Variants in SAXO1 observed in about 807,000 individuals in gnomAD.
The protein encoded by SAXO1 is 4930500O09Rik.
In SAXO1, 21 loss-of-function variants were observed where a neutral mutation model predicts 17.5. The observed-to-expected ratio is 1.20, with a 90% CI of 0.85 to 1.72. The LOEUF (loss-of-function observed/expected upper bound fraction) is 1.72, where lower values mean the gene tolerates loss of function less well. SAXO1 is among the 40% of genes most tolerant of loss of function. The pLI, the probability that SAXO1 is intolerant of heterozygous loss-of-function variation, is 0.00. For missense variants in SAXO1, 843 were observed against 596.0 expected (o/e 1.41, Z -4.32); for synonymous variants, 274 against 216.5 (o/e 1.27, Z -2.33).
In SAXO1 at chr9:19,049,082, G is replaced by C. The variant is rs1041044245; in HGVS notation, c.-158+127C>G. 6.6e-6 allele frequency: 1 copy of C among 152,612 alleles called. No homozygotes were observed. The highest frequency in any genetic ancestry group is 2.4e-5 in the African/African-American group (1 of 41,464). The allele number at this position is 152,612 out of a possible 1,614,324, so 9.5% of individuals were successfully genotyped here. A position where few individuals can be genotyped will look rare whatever the true frequency, so the allele number is the denominator to read the frequency against. On this transcript the variant is annotated intron_variant, in intron 1 of 3. Transcript: ENST00000542071. This position sits in a 1 kb window ranked among gnomAD's most constrained non-coding sequence, Gnocchi z 5.4. ...GTTAGGCTTTCCCTCCACTTCACCA[G>C]TCGGCTGCCCCTGCGGAAACCGGCC...
At chr9:18,949,896 C>T (rs1308442007) in intron 2 of SAXO1, among the ~76,000 whole-genome samples, 1 of 152,194 alleles carries the variant, frequency 6.6e-6, no homozygotes, top group Non-Finnish European at 1.5e-5. Context: ...TCACAGCAAC[C>T]CTGCCCTTTA....
At chr9:18,949,909 G>T (rs939308459) in intron 2 of SAXO1, among the ~76,000 whole-genome samples, 1 of 152,186 alleles carries the variant, frequency 6.6e-6, no homozygotes, top group Non-Finnish European at 1.5e-5. Flanking sequence ...GCCCTTTAGG[G>T]ATGAGGAACC....
chr9:18,939,434 G>C (rs1209744486), intron 3 of SAXO1, among the ~76,000 whole-genome samples: 1 of 152,208 alleles, frequency 6.6e-6, no homozygotes, highest in African/African-American at 2.4e-5. Context: ...ATTAAAGGAA[G>C]CATTAAAAGT....
At chr9:18,949,011 G>C (rs1831915604) in intron 2 of SAXO1, among the ~76,000 whole-genome samples, 1 of 152,114 alleles carries the variant, frequency 6.6e-6, no homozygotes, top group Non-Finnish European at 1.5e-5. Flanking sequence ...GTGTTGACCA[G>C]GGTTTCCTAA....
intron 1 of SAXO1, among the ~76,000 whole-genome samples, chr9:18,972,553 G>A (rs561153598): frequency 6.6e-6 from 1 of 152,164 alleles, no homozygotes; most frequent in Admixed American, 6.5e-5. Context: ...AGAACAGAAG[G>A]TCTACAAAAA....
chr9:18,929,867 C>G (rs1830961351), intron 3 of SAXO1, among the ~76,000 whole-genome samples: 1 of 152,234 alleles, frequency 6.6e-6, no homozygotes, highest in African/African-American at 2.4e-5. Context: ...CCACTCTACT[C>G]TCTGGTTCTA....
In SAXO1 at chr9:18,941,924, T is replaced by G. The variant is rs1831582065; in HGVS notation, c.219-85A>C. The G allele has an allele frequency of 1.4e-5, 18 of 1,321,752 alleles. No individual in the cohort carries two copies. The Admixed American group carries it at 3.1e-4, about 23-fold the overall frequency. The allele number at this position is 1,321,752 out of a possible 1,614,324, so 81.9% of individuals were successfully genotyped here. A position where few individuals can be genotyped will look rare whatever the true frequency, so the allele number is the denominator to read the frequency against. Reference sequence around the variant, plus strand: ...CTGCTCAACCCAACTCTACAAACATTTGCTGAGAAGTCCTGTTCTACTCTA... The same window carrying G: ...CTGCTCAACCCAACTCTACAAACATGTGCTGAGAAGTCCTGTTCTACTCTA... On this transcript the variant is annotated intron_variant, in intron 2 of 3. Transcript: ENST00000380534.
intron 1 of SAXO1, among the ~76,000 whole-genome samples, chr9:18,952,717 G>T (rs1225341686): frequency 6.6e-6 from 1 of 152,178 alleles, no homozygotes; most frequent in African/African-American, 2.4e-5. Context: ...TCCTCATCAT[G>T]TACAAGGAAA....
chr9:19,023,939 G>A (rs1835360405), intron 1 of SAXO1, among the ~76,000 whole-genome samples: 1 of 137,992 alleles, frequency 7.2e-6, no homozygotes, highest in Non-Finnish European at 1.5e-5. Flanking sequence ...AGGAGTTTGA[G>A]ACTAACCTAG....
chr9:19,032,401 T>C (rs1300892901), intron 1 of SAXO1, among the ~76,000 whole-genome samples: 2 of 152,230 alleles, frequency 1.3e-5, no homozygotes, highest in African/African-American at 4.8e-5. Context: ...TTATCCTTAT[T>C]CAACTCTACA....
intron 1 of SAXO1, among the ~76,000 whole-genome samples, chr9:18,973,029 A>T (rs1196948394): frequency 6.6e-6 from 1 of 152,188 alleles, no homozygotes; most frequent in African/African-American, 2.4e-5. Context: ...GCATAAAGCC[A>T]CCCCTGGCTG....
chr9:18,993,229 C>T (rs1194225593), intron 1 of SAXO1, among the ~76,000 whole-genome samples: 1 of 151,976 alleles, frequency 6.6e-6, no homozygotes, highest in African/African-American at 2.4e-5. Context: ...GTTTTAAGCC[C>T]CGCATGCATT....
chr9:19,032,688 C>T (rs892328188), intron 1 of SAXO1, among the ~76,000 whole-genome samples, 183 bp downstream of exon 1: 4 of 152,358 alleles, frequency 2.6e-5, no homozygotes, highest in Non-Finnish European at 5.9e-5. Flanking sequence ...CAGCCACATT[C>T]GCCAGAACTG....
intron 1 of SAXO1, chr9:19,027,893 T>C: frequency 7.3e-7 from 1 of 1,365,810 alleles, no homozygotes; most frequent in Non-Finnish European, 1.0e-6. Flanking sequence ...CAAGATCGAG[T>C]GCCTGGGCCA....
intron 2 of SAXO1, 83 bp downstream of exon 2, chr9:18,950,670 CACATT>C (rs1831995927): frequency 1.7e-6 from 2 of 1,188,212 alleles, no homozygotes; most frequent in African/African-American, 1.5e-5. Context: ...ATTAGCACTG[CACATT>C]ACATTAATAT....
At chr9:19,030,204 C>G (rs937572493) in intron 1 of SAXO1, among the ~76,000 whole-genome samples, 12 of 151,980 alleles carry the variant, frequency 7.9e-5, no homozygotes, top group Non-Finnish European at 1.6e-4. Flanking sequence ...GGGACATCAG[C>G]AGGTCCACTC....
chr9:19,034,574 G>C (rs2131061161), upstream of SAXO1, among the ~76,000 whole-genome samples: 1 of 152,298 alleles, frequency 6.6e-6, no homozygotes, highest in South Asian at 2.1e-4. Context: ...TTTACAGAGA[G>C]AGAGTTCCAA....
intron 1 of SAXO1, among the ~76,000 whole-genome samples, chr9:19,010,881 G>C (rs1198289231): frequency 2.0e-5 from 3 of 152,074 alleles, no homozygotes; most frequent in Non-Finnish European, 4.4e-5. Context: ...ACCAAATATT[G>C]AACATTTAGC....
At chr9:19,036,882 TA>T (rs149486321), upstream of SAXO1, among the ~76,000 whole-genome samples, 642 of 152,198 alleles carry the variant, frequency 4.2e-3, 9 homozygotes, top group African/African-American at 0.014. Context: ...GTGTGCCTGG[TA>T]AAGCCACAGA....
Sources: gnomAD v4.1 joint callset for allele counts (sites outside exome capture counted in the v4.1 genomes callset) on GRCh38, gnomAD v4.1.1 for gene constraint, Gnocchi (gnomAD v3.1) non-coding constraint, MANE v1.5 for transcripts, NCBI Gene and HGNC (gene_info 2026-07-23, HGNC 2026-07-21) for gene names.